The following HIP1 variants were observed in gnomAD, a reference collection of about 807,000 sequenced individuals.
HIP1 encodes the protein huntingtin-interacting protein 1.
In HIP1, 65 loss-of-function variants were observed where a neutral mutation model predicts 147.6. The observed-to-expected ratio is 0.44, with a 90% CI of 0.36 to 0.54. HIP1 has a LOEUF of 0.54. Among genes scored for constraint, HIP1 ranks in the 20% least tolerant of loss-of-function variants. The pLI, the probability that HIP1 is intolerant of heterozygous loss-of-function variation, is 0.00. For synonymous variants in HIP1, 479 were observed against 504.0 expected, an observed-to-expected ratio of 0.95 and a Z score of 0.67; for missense variants, 1,061 against 1,299.6, an observed-to-expected ratio of 0.82 and a Z score of 2.82.
intron 1 of HIP1, among the ~76,000 whole-genome samples, chr7:75,624,233 C>T (rs1196825995): frequency 1.3e-5 from 2 of 152,136 alleles, no homozygotes; most frequent in Admixed American, 6.6e-5. Flanking sequence ...CTGCTCTGGA[C>T]CCAGGGAGTG....
At chr7:75,582,776 C>T (rs1796107686) in intron 5 of HIP1, among the ~76,000 whole-genome samples, 1 of 152,116 alleles carries the variant, frequency 6.6e-6, no homozygotes, top group Non-Finnish European at 1.5e-5. Flanking sequence ...CACTGCACTC[C>T]AGCCTGGGCA....
intron 1 of HIP1, among the ~76,000 whole-genome samples, chr7:75,726,834 G>C (rs1456136002): frequency 2.0e-5 from 3 of 150,760 alleles, no homozygotes; most frequent in Non-Finnish European, 4.4e-5. Flanking sequence ...GCCCCACCAT[G>C]CCTGCCTAAT....
At chr7:75,737,511 AT>A (rs1165230812) in intron 1 of HIP1, among the ~76,000 whole-genome samples, 1 of 151,746 alleles carries the variant, frequency 6.6e-6, no homozygotes, top group East Asian at 1.9e-4. Context: ...CGCCCAGCTA[AT>A]TTTTTGTATT....
At chr7:75,589,077 G>T (rs906193596) in intron 4 of HIP1, among the ~76,000 whole-genome samples, 1 of 151,830 alleles carries the variant, frequency 6.6e-6, no homozygotes, top group Non-Finnish European at 1.5e-5. Context: ...TTGAACCTGG[G>T]AGGTGGAGGT....
chr7:75,634,591 C>T (rs1318702655), intron 1 of HIP1, among the ~76,000 whole-genome samples: 1 of 152,054 alleles, frequency 6.6e-6, no homozygotes, highest in East Asian at 1.9e-4. Context: ...CACTTCTGCC[C>T]TGCCTTCCTC....
intron 1 of HIP1, among the ~76,000 whole-genome samples, chr7:75,710,171 T>G (rs1015949104): frequency 2.6e-5 from 4 of 152,200 alleles, no homozygotes; most frequent in African/African-American, 9.6e-5. Flanking sequence ...GTGCTGGGAT[T>G]ACAGGCGTGA....
In HIP1 at chr7:75,664,006, GTATA is replaced by G. The variant is rs1168822220; in HGVS notation, c.121-64763_121-64760del. 8.4e-3 allele frequency among the ~76,000 whole-genome samples: 153 copies of G among 18,202 alleles called. 34 individuals are homozygous for G. Among genetic ancestry groups the G allele is most frequent in the African/African-American group, 0.012 (18 of 1,488 alleles). 11.9% of individuals were successfully genotyped at this position (18,202 alleles called of 152,430 possible). ...TGTGTATATATATACACATATATGT[GTATA>G]TATATACACATATATGTGTATATAT... On this transcript the variant is annotated intron_variant, in intron 1 of 30. Coordinates refer to ENST00000336926, the MANE Select transcript of HIP1 (RefSeq NM_005338.7).
At chr7:75,695,881 G>T (rs1800619485) in intron 1 of HIP1, among the ~76,000 whole-genome samples, 1 of 149,578 alleles carries the variant, frequency 6.7e-6, no homozygotes, top group Admixed American at 6.7e-5. Context: ...GGCTGGTACT[G>T]GTTCTTAGAC....
intron 2 of HIP1, among the ~76,000 whole-genome samples, chr7:75,595,293 T>G (rs1264866793): frequency 1.4e-5 from 2 of 147,802 alleles, no homozygotes; most frequent in Non-Finnish European, 3.0e-5. Flanking sequence ...CCTTTCTTTC[T>G]TTCTCTCTCT....
chr7:75,676,454 T>A (rs1244057711), intron 1 of HIP1, among the ~76,000 whole-genome samples: 1 of 152,126 alleles, frequency 6.6e-6, no homozygotes, highest in Admixed American at 6.6e-5. Flanking sequence ...CATGGCCATC[T>A]GCACACCAGG....
At chr7:75,564,468 A>G (rs1349882439) in intron 9 of HIP1, among the ~76,000 whole-genome samples, 1 of 151,896 alleles carries the variant, frequency 6.6e-6, no homozygotes, top group Non-Finnish European at 1.5e-5. Flanking sequence ...GTAATTTTGT[A>G]TCTTTAGTAG....
At position 75,556,032 on chromosome 7, in the gene HIP1, G is replaced by A. The variant is rs1309644760; in HGVS notation, c.1821C>T (p.Ser607=). ...GTCCATGTCCGTGACTTGCCTCTGT[G>A]CTGGCCAGTTTGAGCTGAGTGTCCT... The part of the protein sequence containing the change: ...ELQDTQLKLA[S]TEESMCQLAK... The change falls in exon 18 of 31, where the codon AGC becomes AGT. Residue 607 remains serine, a synonymous_variant. Coordinates refer to ENST00000336926, the MANE Select transcript of HIP1 (RefSeq NM_005338.7). 3 of 1,613,990 alleles carry A rather than the reference G, an allele frequency of 1.9e-6. No homozygotes were observed. The highest frequency in any genetic ancestry group is 3.3e-5 in the Admixed American group (2 of 60,000).
intron 1 of HIP1, among the ~76,000 whole-genome samples, chr7:75,736,653 G>A (rs782352037): frequency 9.2e-5 from 14 of 152,064 alleles, no homozygotes; most frequent in Non-Finnish European, 1.6e-4. Context: ...CAAGACCAAT[G>A]GAAAACTTCC....
At chr7:75,682,018 C>CTTTT (rs71098063) in intron 1 of HIP1, among the ~76,000 whole-genome samples, 3 of 84,226 alleles carry the variant, frequency 3.6e-5, no homozygotes, top group Admixed American at 1.6e-4. Flanking sequence ...GCAACAACCT[C>CTTTT]TTTTTTTTTT....
At chr7:75,694,655 C>T (rs1442980650) in intron 1 of HIP1, among the ~76,000 whole-genome samples, 12 of 147,964 alleles carry the variant, frequency 8.1e-5, no homozygotes, top group African/African-American at 3.0e-4. Flanking sequence ...AGACTACAGG[C>T]ACCACCACCA....
At chr7:75,667,528 C>G (rs1445609453) in intron 1 of HIP1, among the ~76,000 whole-genome samples, 1 of 152,210 alleles carries the variant, frequency 6.6e-6, no homozygotes, top group Non-Finnish European at 1.5e-5. Context: ...CTCTGTCACC[C>G]AGGCTGGAGG....
chr7:75,633,942 T>C (rs782546411), intron 1 of HIP1, among the ~76,000 whole-genome samples: 30 of 152,184 alleles, frequency 2.0e-4, no homozygotes, highest in South Asian at 1.2e-3. Context: ...AAGAAACTCC[T>C]GAATTTTAAA....
intron 27 of HIP1, among the ~76,000 whole-genome samples, chr7:75,544,097 G>A (rs587728168): frequency 1.7e-4 from 25 of 151,290 alleles, no homozygotes; most frequent in Non-Finnish European, 3.1e-4. Context: ...ACTTGAACCC[G>A]GGAGGCAGAG....
rs587684253 is a variant in HIP1, at chr7:75,572,952, G to A, written c.745+809C>T. ...CGCTGCCTGGCTTCTCCCTGCTGTC[G>A]GCACCCACTCTGATCTTAGAGCAAA... On this transcript the variant is annotated intron_variant, in intron 8 of 30. Coordinates refer to ENST00000336926, the MANE Select transcript of HIP1 (RefSeq NM_005338.7). Among the ~76,000 whole-genome samples, 13 of 152,266 alleles carry A rather than the reference G, an allele frequency of 8.5e-5. No individual in the cohort carries two copies. In the East Asian group the frequency reaches 1.7e-3, roughly 20 times the overall value.
Sources: gnomAD v4.1 joint callset for allele counts (sites outside exome capture counted in the v4.1 genomes callset) on GRCh38, gnomAD v4.1.1 for gene constraint, MANE v1.5 for transcripts, NCBI Gene and HGNC (gene_info 2026-07-23, HGNC 2026-07-21) for gene names.